Variants in ARHGAP42 observed in about 807,000 individuals in gnomAD.
The protein encoded by ARHGAP42 is Rho GTPase activating protein 42, also known as rho GTPase-activating protein 42.
In ARHGAP42, 63 loss-of-function variants were observed where a neutral mutation model predicts 125.0. The observed-to-expected ratio is 0.50, with a 90% CI of 0.41 to 0.62. ARHGAP42 has a LOEUF of 0.62. Ranked by LOEUF, ARHGAP42 falls within the 20% of genes least tolerant of loss-of-function variation. The probability of loss-of-function intolerance (pLI) is 0.00; values close to 1 mark genes in which losing one functional copy is unlikely to be tolerated. For synonymous variants in ARHGAP42, 339 were observed against 351.0 expected, an observed-to-expected ratio of 0.97 and a Z score of 0.38; for missense variants, 766 against 1,024.2, an observed-to-expected ratio of 0.75 and a Z score of 3.44.
chr11:100,699,720 A>G (rs1861365835), intron 1 of ARHGAP42, among the ~76,000 whole-genome samples: 1 of 151,196 alleles, frequency 6.6e-6, no homozygotes, highest in African/African-American at 2.4e-5. Context: ...ATGGGGTTTC[A>G]CCATGTTGGC....
At chr11:100,746,763 C>G (rs551990238) in intron 1 of ARHGAP42, among the ~76,000 whole-genome samples, 1 of 152,212 alleles carries the variant, frequency 6.6e-6, no homozygotes, top group Admixed American at 6.5e-5. Flanking sequence ...ACCATAGAAG[C>G]GCTCTAAAGT....
At chr11:100,878,139 T>A (rs903093628) in intron 4 of ARHGAP42, among the ~76,000 whole-genome samples, 6 of 152,034 alleles carry the variant, frequency 3.9e-5, no homozygotes, top group African/African-American at 1.4e-4. Context: ...TCTTTTTTTC[T>A]TTTTTTGAGA....
intron 3 of ARHGAP42, among the ~76,000 whole-genome samples, chr11:100,833,702 A>G (rs1864714293): frequency 6.6e-6 from 1 of 152,148 alleles, no homozygotes; most frequent in African/African-American, 2.4e-5. Context: ...GAGAGTTAGG[A>G]AGAGCCTGAC....
chr11:100,847,880 A>G (rs1293454949), intron 3 of ARHGAP42, among the ~76,000 whole-genome samples: 1 of 152,128 alleles, frequency 6.6e-6, no homozygotes, highest in Non-Finnish European at 1.5e-5. Flanking sequence ...TGGGTTGGAG[A>G]AAGCATTATT....
chr11:100,943,467 G>A (rs1477516312), intron 9 of ARHGAP42, among the ~76,000 whole-genome samples: 1 of 152,000 alleles, frequency 6.6e-6, no homozygotes, highest in South Asian at 2.1e-4. Flanking sequence ...AGAATTGAGG[G>A]ATTGTACATT....
intron 1 of ARHGAP42, among the ~76,000 whole-genome samples, chr11:100,727,322 A>T (rs1052953423): frequency 6.6e-6 from 1 of 152,214 alleles, no homozygotes; most frequent in African/African-American, 2.4e-5. Context: ...TTGTAATTTC[A>T]TGGGCAGTAA....
chr11:100,691,467 A>T (rs964074375), intron 1 of ARHGAP42, among the ~76,000 whole-genome samples: 1 of 152,172 alleles, frequency 6.6e-6, no homozygotes, highest in African/African-American at 2.4e-5. Flanking sequence ...CAAAAAAGAG[A>T]CAAAAAGAGA....
At chr11:100,983,664 T>C (rs1335854706) in intron 22 of ARHGAP42, among the ~76,000 whole-genome samples, 1 of 152,238 alleles carries the variant, frequency 6.6e-6, no homozygotes, top group African/African-American at 2.4e-5. Context: ...ACTCACTTTT[T>C]CACTTCTTTT....
chr11:100,837,666 C>CTATTTTTTTT (rs1555008871), intron 3 of ARHGAP42, among the ~76,000 whole-genome samples: 7 of 61,070 alleles, frequency 1.1e-4, no homozygotes, highest in African/African-American at 4.2e-4. Flanking sequence ...AGGTGTCATC[C>CTATTTTTTTT]TTTTTTTTTT....
intron 4 of ARHGAP42, among the ~76,000 whole-genome samples, chr11:100,890,964 G>T (rs1461901815): frequency 1.3e-5 from 2 of 152,154 alleles, no homozygotes; most frequent in African/African-American, 4.8e-5. Context: ...TCTCCAAGGG[G>T]GCTGTTGGTT....
At chr11:100,738,148 G>A (rs557166296) in intron 1 of ARHGAP42, among the ~76,000 whole-genome samples, 1 of 152,154 alleles carries the variant, frequency 6.6e-6, no homozygotes, top group Admixed American at 6.5e-5. Context: ...AGAAAATATC[G>A]TAGAAATACT....
At chr11:100,905,567 A>G (rs533505203) in intron 4 of ARHGAP42, among the ~76,000 whole-genome samples, 21 of 152,322 alleles carry the variant, frequency 1.4e-4, no homozygotes, top group African/African-American at 4.6e-4. Context: ...TAGGTGAACC[A>G]TATCAGATTC....
chr11:100,958,055 A>G (rs1857849982), intron 12 of ARHGAP42, among the ~76,000 whole-genome samples: 1 of 152,058 alleles, frequency 6.6e-6, no homozygotes. Flanking sequence ...AATGTCAGGA[A>G]CTTGCAGTTT....
At chr11:100,732,859 C>T (rs1163017080) in intron 1 of ARHGAP42, among the ~76,000 whole-genome samples, 1 of 152,118 alleles carries the variant, frequency 6.6e-6, no homozygotes, top group African/African-American at 2.4e-5. Context: ...ACTCAGCCTG[C>T]CTTAAAATCT....
intron 2 of ARHGAP42, among the ~76,000 whole-genome samples, chr11:100,775,893 C>G (rs1010867763): frequency 6.6e-6 from 1 of 152,190 alleles, no homozygotes; most frequent in Non-Finnish European, 1.5e-5. Context: ...GGTACGGTGG[C>G]TCACGCTTGT....
intron 6 of ARHGAP42, among the ~76,000 whole-genome samples, chr11:100,926,841 T>G (rs1268828849): frequency 6.6e-6 from 1 of 152,234 alleles, no homozygotes; most frequent in Non-Finnish European, 1.5e-5. Context: ...GTTGTGGCTT[T>G]AAAGCCCTGT....
At chr11:100,777,234 A>G (rs903672254) in intron 2 of ARHGAP42, among the ~76,000 whole-genome samples, 3 of 152,158 alleles carry the variant, frequency 2.0e-5, no homozygotes, top group African/African-American at 7.2e-5. Context: ...GGGCTTTACT[A>G]TGTCTTCCTG....
intron 5 of ARHGAP42, among the ~76,000 whole-genome samples, chr11:100,917,964 C>G (rs12806244): frequency 6.6e-6 from 1 of 152,126 alleles, no homozygotes; most frequent in Non-Finnish European, 1.5e-5. Flanking sequence ...TGGGGTGCAC[C>G]AGACACCTTC....
chr11:100,803,553 G>A (rs1341144196), intron 3 of ARHGAP42, among the ~76,000 whole-genome samples: 3 of 152,174 alleles, frequency 2.0e-5, no homozygotes, highest in Non-Finnish European at 4.4e-5. Context: ...TTTTTGGATG[G>A]CTTGGTCAAA....
Sources: gnomAD v4.1 joint callset for allele counts (sites outside exome capture counted in the v4.1 genomes callset) on GRCh38, gnomAD v4.1.1 for gene constraint, MANE v1.5 for transcripts, NCBI Gene and HGNC (gene_info 2026-07-23, HGNC 2026-07-21) for gene names.